TPP1: variants seen among roughly 807,000 people sequenced by gnomAD.
TPP1 encodes tripeptidyl peptidase 1.
Under a neutral mutation model 67.6 loss-of-function variants are expected in TPP1, and 43 were observed. The ratio of observed to expected loss-of-function variants is 0.64; its 90% CI spans 0.50 to 0.82. TPP1 has a LOEUF of 0.82. Among genes scored for constraint, TPP1 ranks in the 40% least tolerant of loss-of-function variants. The probability of loss-of-function intolerance (pLI) is 0.00; values close to 1 mark genes in which losing one functional copy is unlikely to be tolerated. For synonymous variants in TPP1, 272 were observed against 281.5 expected, an observed-to-expected ratio of 0.97 and a Z score of 0.34; for missense variants, 671 against 710.9, an observed-to-expected ratio of 0.94 and a Z score of 0.64.
intron 4 of TPP1, 63 bp from the exon 5 acceptor site, chr11:6,617,491 A>T (rs1223772311): frequency 6.2e-7 from 1 of 1,613,654 alleles, no homozygotes; most frequent in Non-Finnish European, 8.5e-7. Flanking sequence ...ACCTCTGAGC[A>T]TCCCTGGGCA....
In TPP1 at chr11:6,616,674, G is replaced by A; in HGVS notation, c.873C>T (p.Val291=). 1 of 1,614,038 alleles carries A rather than the reference G, an allele frequency of 6.2e-7. No individual in the cohort carries two copies. Among genetic ancestry groups the A allele is most frequent in the Non-Finnish European group, 8.5e-7 (1 of 1,179,992 alleles). ...MSAGANISTW[V]YSSPGRHEGQ... is the part of the protein sequence containing the mutation. ...TCTTGGTAGTACCAGGGCTACTGTA[G>A]ACCCAGGTGGAGATGTTGGCACCAG... Residue 291 remains valine, a synonymous_variant, in exon 7 of 13, where the codon GTC becomes GTT. Coordinates refer to ENST00000299427, the MANE Select transcript of TPP1 (RefSeq NM_000391.4).
At position 6,618,888 on chromosome 11, in the gene TPP1, G is replaced by A. The variant is rs545601370; in HGVS notation, c.117C>T (p.Gly39=). 1 of 1,613,714 alleles carries A rather than the reference G, an allele frequency of 6.2e-7. No homozygotes were observed. Among genetic ancestry groups the A allele is most frequent in the South Asian group, 1.1e-5 (1 of 91,088 alleles). Residue 39 remains glycine (G), a synonymous_variant, in exon 3 of 13, where the codon GGC becomes GGT. Transcript: ENST00000299427. ...RTLPPGWVSL[G]RADPEEELSL... ...TCAGCTCTTCCTCAGGGTCCGCACG[G>A]CCCAGGGACACCCAGCCTGGGGGCA...
In TPP1 at chr11:6,619,142, T is replaced by C. The variant is rs765130199; in HGVS notation, c.89+54A>G. 1.3e-5 allele frequency: 21 copies of C among 1,601,904 alleles called. No individual in the cohort carries two copies. In the Admixed American group the frequency reaches 3.4e-4, roughly 26 times the overall value. Reference sequence around the variant, plus strand: ...GTGAGAGAAGCTAGGACCAGGACAGTGGGAGGCAGAACAGGGTATGGGGAA... The same window carrying C: ...GTGAGAGAAGCTAGGACCAGGACAGCGGGAGGCAGAACAGGGTATGGGGAA... On this transcript the variant is annotated intron_variant, in intron 2 of 12. Coordinates refer to ENST00000299427, the MANE Select transcript of TPP1 (RefSeq NM_000391.4).
rs1323758914 is a variant in TPP1 at position 6,612,947 on chromosome 11, CAG to C, written c.*1597_*1598del. The C allele has an allele frequency of 1.3e-5, 2 of 152,660 alleles. No individual in the cohort carries two copies. Among genetic ancestry groups the C allele is most frequent in the African/African-American group, 4.8e-5 (2 of 41,446 alleles). 9.5% of individuals were successfully genotyped at this position (152,660 alleles called of 1,614,324 possible). On this transcript the variant is annotated 3_prime_UTR_variant, in exon 13 of 13. Transcript: ENST00000299427. The stretch of plus-strand genomic sequence containing the variant: ...GTCGTTACAATGCTAGAGGTAGGCA[CAG>C]GGGGCGCAGTGCAAGGGAGGAAGGG...
chr11:6,614,898 G>T lies in TPP1; in HGVS notation c.1519C>A (p.Leu507Ile). ...AGTCCTGCCCCATGCTGCTGGTAGA[G>T]CCTTGGGTTGAGAAAGCCAAGAGGG... is the stretch of plus-strand genomic sequence containing the variant. ...RPPLGFLNPR[L>I]YQQHGAGLFD... The change falls in exon 12 of 13, where the codon CTC becomes ATC. Residue 507 changes from leucine to isoleucine, a missense_variant. Coordinates refer to ENST00000299427, the MANE Select transcript of TPP1 (RefSeq NM_000391.4). 2 of 1,614,106 alleles carry T rather than the reference G, an allele frequency of 1.2e-6. No individual in the cohort carries two copies.
At position 6,616,720 on chromosome 11, in the gene TPP1, T is replaced by A. The variant is rs763162812; in HGVS notation, c.827A>T (p.Asp276Val). The A allele has an allele frequency of 6.8e-6, 11 of 1,613,862 alleles. No individual in the cohort carries two copies. The Admixed American group carries it at 1.2e-4, about 17-fold the overall frequency. Residue 276 changes from aspartate to valine, a missense_variant, in exon 7 of 13, where the codon GAT becomes GTT. Physicochemically the swap from Asp to Val is radical, Grantham distance 152. Transcript: ENST00000299427. ...ACCAGCACTCATCAGGTACTGCACATCTAGACTGGCCTCAATCCCGGCCCG... is the reference window on the plus strand; with the variant it reads ...ACCAGCACTCATCAGGTACTGCACAACTAGACTGGCCTCAATCCCGGCCCG... ...RGRAGIEASL[D>V]VQYLMSAGAN...
At chr11:6,616,281 G>C (rs1207037968) in intron 8 of TPP1, 34 bp downstream of exon 8, 1 of 1,612,608 alleles carries the variant, frequency 6.2e-7, no homozygotes, top group African/African-American at 1.3e-5. Context: ...CTGCAGAGGT[G>C]TAAGCATTGT....
intron 7 of TPP1, 67 bp downstream of exon 7, chr11:6,616,594 T>C (rs913001461): frequency 4.3e-6 from 7 of 1,611,482 alleles, no homozygotes; most frequent in Non-Finnish European, 5.9e-6. Flanking sequence ...TAGCATTCCC[T>C]TGAGGGAGCA....
rs563028091 is a variant in TPP1, at chr11:6,618,188, C to T, written c.230-412G>A. ...TTAAGCTTAACACGATGGTGAGTCACTGTTTCCTGCCATGCACACTAGTGT... is the reference window on the plus strand; with the variant it reads ...TTAAGCTTAACACGATGGTGAGTCATTGTTTCCTGCCATGCACACTAGTGT... On this transcript the variant is annotated intron_variant, in intron 3 of 12. Transcript: ENST00000299427. 2.6e-5 allele frequency: 9 copies of T among 350,078 alleles called. No homozygotes were observed. In the East Asian group the frequency reaches 6.9e-4, roughly 27 times the overall value. 21.7% of individuals were successfully genotyped at this position (350,078 alleles called of 1,614,324 possible).
Position 6,615,326 on chromosome 11 carries a change from C to T in TPP1, c.1270G>A (p.Glu424Lys). Residue 424 changes from glutamate to lysine, a missense_variant, in exon 11 of 13, where the codon GAA becomes AAA. Glu to Lys is a moderately conservative substitution (Grantham distance 56). Coordinates refer to ENST00000299427, the MANE Select transcript of TPP1 (RefSeq NM_000391.4). ...NVFPRPSYQE[E>K]AVTKFLSSSP... ...GAGCTCAGGAACTTCGTTACAGCTTCCTCCTGAAAGGCATTTTTGAGTGAG... is the reference window on the plus strand; with the variant it reads ...GAGCTCAGGAACTTCGTTACAGCTTTCTCCTGAAAGGCATTTTTGAGTGAG... The T allele has an allele frequency of 6.2e-7, 1 of 1,614,162 alleles. No homozygotes were observed. Among genetic ancestry groups the T allele is most frequent in the South Asian group, 1.1e-5 (1 of 91,076 alleles).
intron 7 of TPP1, 54 bp from the exon 8 acceptor site, chr11:6,616,557 G>A: frequency 1.3e-6 from 2 of 1,597,802 alleles, no homozygotes; most frequent in South Asian, 1.1e-5. Context: ...TAGTCACTGG[G>A]GGTTGTCAGG....
Position 6,619,183 on chromosome 11 carries a change from TAA to T in TPP1, c.89+11_89+12del, listed in dbSNP as rs1284534536. The T allele has an allele frequency of 2.5e-6, 4 of 1,613,894 alleles. No individual in the cohort carries two copies. In the African/African-American group the frequency reaches 5.3e-5, roughly 22 times the overall value. On this transcript the variant is annotated intron_variant, in intron 2 of 12. Transcript: ENST00000299427. ...GTATGGGGAAGGGGGCAGTCTGTGC[TAA>T]GTCAACTCACGTCCTCCGCTGGTCG...
At chr11:6,615,926 G>A in intron 9 of TPP1, 79 bp downstream of exon 9, 1 of 1,516,616 alleles carries the variant, frequency 6.6e-7, no homozygotes, top group South Asian at 1.1e-5. Context: ...ACATGGTGGG[G>A]TCAAGACAAA....
In TPP1 at chr11:6,618,669, G is replaced by A. The variant is rs571184083; in HGVS notation, c.229+107C>T. The A allele has an allele frequency of 1.4e-5, 21 of 1,498,834 alleles. No homozygotes were observed. The African/African-American group carries it at 1.8e-4, about 13-fold the overall frequency. The allele number at this position is 1,498,834 out of a possible 1,614,324, so 92.8% of individuals were successfully genotyped here. A position where few individuals can be genotyped will look rare whatever the true frequency, so the allele number is the denominator to read the frequency against. ...TCCCCTTTTAGGTTTCTAGCCTGAGGAACACAAGTGTCTTGGCAGGCTCTG... is the reference window on the plus strand; with the variant it reads ...TCCCCTTTTAGGTTTCTAGCCTGAGAAACACAAGTGTCTTGGCAGGCTCTG... On this transcript the variant is annotated intron_variant, in intron 3 of 12. Coordinates refer to ENST00000299427, the MANE Select transcript of TPP1 (RefSeq NM_000391.4).
chr11:6,616,837 T>A lies in TPP1; in HGVS notation c.710A>T (p.Asp237Val). The A allele has an allele frequency of 6.2e-7, 1 of 1,613,150 alleles. No individual in the cohort carries two copies. Among genetic ancestry groups the A allele is most frequent in the Non-Finnish European group, 8.5e-7 (1 of 1,179,840 alleles). ...GCGCATGAACTGAGCCAGGTCTGAG[T>A]CATGGAAATACTGCTCCAGGAACTA... ...CAQFLEQYFH[D>V]SDLAQFMRLF... Residue 237 changes from aspartate to valine, a missense_variant, in exon 7 of 13, where the codon GAC becomes GTC. Physicochemically the swap from Asp to Val is radical, Grantham distance 152 (BLOSUM62 -3). Transcript: ENST00000299427.
At position 6,616,020 on chromosome 11, in the gene TPP1, G is replaced by A; in HGVS notation, c.1130C>T (p.Thr377Ile). The change falls in exon 9 of 13, where the codon ACC becomes ATC. Residue 377 changes from threonine to isoleucine, a missense_variant. Thr to Ile is a moderately conservative substitution (Grantham distance 89). Transcript: ENST00000299427. ...SVSGRHQFRPTFPASSPYVTT... is the reference protein window; with the variant it reads ...SVSGRHQFRPIFPASSPYVTT... ...GAGTACTTACCTGGAGGCAGGGAAG[G>A]TAGGGCGGAACTGGTGTCTTCCAGA... The A allele has an allele frequency of 6.8e-6, 11 of 1,614,220 alleles. No individual in the cohort carries two copies. Among genetic ancestry groups the A allele is most frequent in the Non-Finnish European group, 9.3e-6 (11 of 1,180,030 alleles).
intron 9 of TPP1, 186 bp downstream of exon 9, chr11:6,615,819 A>G: frequency 1.2e-6 from 1 of 802,780 alleles, no homozygotes; most frequent in Non-Finnish European, 2.1e-6. Context: ...TGGGAGCTGT[A>G]TCCCACACAA....
chr11:6,619,416 A>G lies in TPP1; in HGVS notation c.-16T>C. On this transcript the variant is annotated 5_prime_UTR_variant, in exon 1 of 13. Transcript: ENST00000299427. Reference sequence around the variant, plus strand: ...GGAGTCCCATTCTGCCCTTCCGCGGATCTGCTGTCATGTGACGGATCACAT... The same window carrying G: ...GGAGTCCCATTCTGCCCTTCCGCGGGTCTGCTGTCATGTGACGGATCACAT... The G allele has an allele frequency of 6.8e-6, 11 of 1,614,098 alleles. No homozygotes were observed. The highest frequency in any genetic ancestry group is 9.3e-6 in the Non-Finnish European group (11 of 1,180,022).
Position 6,616,686 on chromosome 11 carries a change from G to T in TPP1, c.861C>A (p.Ile287=). 6.2e-7 allele frequency: 1 copy of T among 1,614,106 alleles called. No individual in the cohort carries two copies. Among genetic ancestry groups the T allele is most frequent in the South Asian group, 1.1e-5 (1 of 91,080 alleles). ...CAGGGCTACTGTAGACCCAGGTGGA[G>T]ATGTTGGCACCAGCACTCATCAGGT... The part of the protein sequence containing the change: ...VQYLMSAGAN[I]STWVYSSPGR... Residue 287 remains isoleucine (I), a synonymous_variant, in exon 7 of 13, where the codon ATC becomes ATA. Transcript: ENST00000299427.
Sources: allele counts gnomAD v4.1 joint callset, GRCh38; gene constraint gnomAD v4.1.1; transcripts MANE v1.5; gene names NCBI Gene and HGNC (gene_info 2026-07-23, HGNC 2026-07-21).